UBE4B: variants seen among roughly 807,000 people sequenced by gnomAD.
The protein encoded by UBE4B is ubiquitination factor E4B.
Under a neutral mutation model 148.1 loss-of-function variants are expected in UBE4B, and 27 were observed. The observed-to-expected ratio is 0.18, with a 90% CI of 0.13 to 0.25. The LOEUF is 0.25. Among genes scored for constraint, UBE4B ranks in the 10% least tolerant of loss-of-function variants. The probability of loss-of-function intolerance (pLI) is 1.00; values close to 1 mark genes in which losing one functional copy is unlikely to be tolerated. For synonymous variants in UBE4B, 596 were observed against 619.3 expected, an observed-to-expected ratio of 0.96 and a Z score of 0.56; for missense variants, 1,170 against 1,662.4, an observed-to-expected ratio of 0.70 and a Z score of 5.15.
At chr1:10,119,716 C>A in intron 9 of UBE4B, 103 bp downstream of exon 9, 1 of 918,874 alleles carries the variant, frequency 1.1e-6, no homozygotes, top group South Asian at 1.5e-5. Context: ...AGATAACTCC[C>A]TTCCTCACCT....
intron 20 of UBE4B, among the ~76,000 whole-genome samples, chr1:10,150,532 C>T (rs778680166): frequency 6.6e-6 from 1 of 152,112 alleles, no homozygotes; most frequent in Non-Finnish European, 1.5e-5. Flanking sequence ...AGCCAGTAAC[C>T]ATGTTTGGTT....
chr1:10,152,650 T>C (rs2101990756), intron 21 of UBE4B, among the ~76,000 whole-genome samples: 1 of 151,710 alleles, frequency 6.6e-6, no homozygotes, highest in African/African-American at 2.4e-5. Context: ...ATACAAAAAT[T>C]AGCTGGGTGT....
At chr1:10,132,818 G>A (rs1202656009) in intron 15 of UBE4B, among the ~76,000 whole-genome samples, 3 of 152,204 alleles carry the variant, frequency 2.0e-5, no homozygotes, top group Non-Finnish European at 4.4e-5. Context: ...ATAGGAAGGA[G>A]CCAGCCATTG....
chr1:10,042,209 T>A (rs1643798447), intron 1 of UBE4B, among the ~76,000 whole-genome samples: 1 of 151,956 alleles, frequency 6.6e-6, no homozygotes. Flanking sequence ...GCAAAGTGCA[T>A]TTTCTCACAC....
At chr1:10,085,867 G>GCAA (rs1327246212) in intron 2 of UBE4B, among the ~76,000 whole-genome samples, 1 of 152,066 alleles carries the variant, frequency 6.6e-6, no homozygotes, top group African/African-American at 2.4e-5. Flanking sequence ...TTGCCTCACT[G>GCAA]CAACGTCTGC....
intron 17 of UBE4B, among the ~76,000 whole-genome samples, chr1:10,139,674 T>C (rs1360128634): frequency 6.6e-6 from 1 of 152,200 alleles, no homozygotes; most frequent in East Asian, 1.9e-4. Flanking sequence ...TATCCTTTTA[T>C]CATTTTAATG....
At chr1:10,066,792 G>T (rs896449345) in intron 1 of UBE4B, among the ~76,000 whole-genome samples, 2 of 151,772 alleles carry the variant, frequency 1.3e-5, no homozygotes, top group Non-Finnish European at 2.9e-5. Context: ...TGTAGTCCCA[G>T]CTACTCGGGA....
chr1:10,050,129 A>G (rs903300776), intron 1 of UBE4B, among the ~76,000 whole-genome samples: 23 of 152,216 alleles, frequency 1.5e-4, no homozygotes, highest in African/African-American at 5.5e-4. Context: ...GCTGGAGTGC[A>G]GTGGCGCTCT....
At chr1:10,083,766 A>T (rs1211305911) in intron 2 of UBE4B, among the ~76,000 whole-genome samples, 1 of 152,166 alleles carries the variant, frequency 6.6e-6, no homozygotes, top group African/African-American at 2.4e-5. Flanking sequence ...TTTAATTATG[A>T]GTTGGAACAG....
At chr1:10,066,231 C>T (rs1226216063) in intron 1 of UBE4B, among the ~76,000 whole-genome samples, 1 of 151,854 alleles carries the variant, frequency 6.6e-6, no homozygotes, top group African/African-American at 2.4e-5. Context: ...GACCTCCTGC[C>T]TCAGTCTCCC....
intron 7 of UBE4B, 132 bp from the exon 8 acceptor site, chr1:10,117,327 T>G (rs1052257382): frequency 2.6e-6 from 3 of 1,143,738 alleles, no homozygotes; most frequent in Non-Finnish European, 3.7e-6. Flanking sequence ...TCAGGGTGGA[T>G]CTTGGCCGCA....
At chr1:10,109,295 G>A (rs1013607872) in intron 7 of UBE4B, among the ~76,000 whole-genome samples, 2 of 152,090 alleles carry the variant, frequency 1.3e-5, no homozygotes, top group African/African-American at 4.8e-5. Context: ...GTTCACCACC[G>A]CACCGTGCTG....
intron 18 of UBE4B, 95 bp from the exon 19 acceptor site, chr1:10,146,868 A>C: frequency 6.7e-7 from 1 of 1,498,920 alleles, no homozygotes. Context: ...CTGGAACCCA[A>C]ATTTCCCATC....
At chr1:10,176,263 G>A (rs1239166040) in intron 25 of UBE4B, among the ~76,000 whole-genome samples, 1 of 152,218 alleles carries the variant, frequency 6.6e-6, no homozygotes, top group Non-Finnish European at 1.5e-5. Flanking sequence ...AGACATTTGG[G>A]TTGTCTCCAG....
At chr1:10,159,227 A>C (rs1001691425) in intron 22 of UBE4B, among the ~76,000 whole-genome samples, 4 of 152,196 alleles carry the variant, frequency 2.6e-5, no homozygotes, top group African/African-American at 7.2e-5. Context: ...TAAGGCCCTA[A>C]ACCTTAATTA....
At chr1:10,155,742 G>T in intron 21 of UBE4B, among the ~76,000 whole-genome samples, 1 of 152,234 alleles carries the variant, frequency 6.6e-6, no homozygotes, top group East Asian at 1.9e-4. Flanking sequence ...CTCAAGTTAG[G>T]CTGGGCGTGG....
chr1:10,150,703 T>C (rs1410752879), intron 20 of UBE4B, among the ~76,000 whole-genome samples: 1 of 150,870 alleles, frequency 6.6e-6, no homozygotes, highest in Non-Finnish European at 1.5e-5. Context: ...CTACTAAAAA[T>C]ACAAAAGTTA....
chr1:10,063,003 G>A lies in UBE4B; in HGVS notation c.25-9025G>A, dbSNP rs1644316581. ...GAAAATAGTGATGGCGAATAAAACAGATGTTGGGGCTGGGCATACTTTGGG... is the reference window on the plus strand; with the variant it reads ...GAAAATAGTGATGGCGAATAAAACAAATGTTGGGGCTGGGCATACTTTGGG... On this transcript the variant is annotated intron_variant, in intron 1 of 27. Coordinates refer to ENST00000343090, the MANE Select transcript of UBE4B (RefSeq NM_001105562.3). Among the ~76,000 whole-genome samples the A allele has an allele frequency of 1.3e-5, 2 of 151,024 alleles. 1 individual carries two copies. Among genetic ancestry groups the A allele is most frequent in the South Asian group, 4.2e-4 (2 of 4,774 alleles).
chr1:10,133,677 G>A (rs1000979238), intron 15 of UBE4B, among the ~76,000 whole-genome samples: 3 of 152,098 alleles, frequency 2.0e-5, no homozygotes, highest in Admixed American at 2.0e-4. Context: ...TTGGGAGGCC[G>A]AGGTGGGAGG....
Sources: allele counts gnomAD v4.1 joint callset (sites outside exome capture counted in the v4.1 genomes callset), GRCh38; gene constraint gnomAD v4.1.1; transcripts MANE v1.5; gene names NCBI Gene and HGNC (gene_info 2026-07-23, HGNC 2026-07-21).